Variants in PLAAT3 observed in about 807,000 individuals in gnomAD.
PLAAT3 encodes Ca-independent phospholipase A1/2.
PLAAT3 carries 21 observed loss-of-function variants against 16.7 expected under a neutral mutation model. That is an observed-to-expected ratio of 1.26 (90% CI 0.89 to 1.81). PLAAT3 has a LOEUF of 1.81. Among genes scored for constraint, PLAAT3 ranks in the 40% most tolerant of loss-of-function variants. The pLI is 0.00. For missense variants in PLAAT3, 219 were observed against 213.7 expected (o/e 1.02, Z -0.16); for synonymous variants, 76 against 81.7 (o/e 0.93, Z 0.38).
At chr11:63,601,789 A>C (rs1259948823) in intron 2 of PLAAT3, among the ~76,000 whole-genome samples, 1 of 152,196 alleles carries the variant, frequency 6.6e-6, no homozygotes, top group East Asian at 1.9e-4. Context: ...CAGGCTGGCC[A>C]ACATGGTGAA....
At chr11:63,592,138 A>G (rs1281056207) in intron 3 of PLAAT3, among the ~76,000 whole-genome samples, 1 of 152,044 alleles carries the variant, frequency 6.6e-6, no homozygotes, top group Non-Finnish European at 1.5e-5. Flanking sequence ...GCACAAATAC[A>G]TATCAACACA....
chr11:63,606,225 C>T (rs1938555150), intron 2 of PLAAT3, among the ~76,000 whole-genome samples: 4 of 152,282 alleles, frequency 2.6e-5, no homozygotes, highest in Non-Finnish European at 2.9e-5. Flanking sequence ...CCAATCTAGG[C>T]ACCTGGGCTC....
intron 4 of PLAAT3, among the ~76,000 whole-genome samples, chr11:63,588,977 CAAAAAA>C (rs58090843): frequency 1.3e-4 from 6 of 46,902 alleles, no homozygotes; most frequent in South Asian, 8.4e-4. Flanking sequence ...ATGAGCCAAG[CAAAAAA>C]AAAAAAAAAA....
chr11:63,582,511 A>C (rs1229473675), intron 4 of PLAAT3, among the ~76,000 whole-genome samples: 1 of 152,220 alleles, frequency 6.6e-6, no homozygotes, highest in Non-Finnish European at 1.5e-5. Context: ...AACAGGTACA[A>C]AGAAAACTCG....
chr11:63,580,980 C>A (rs761359347), intron 4 of PLAAT3, among the ~76,000 whole-genome samples: 1 of 152,238 alleles, frequency 6.6e-6, no homozygotes, highest in Non-Finnish European at 1.5e-5. Context: ...GTCTTTACTG[C>A]AATCTCTGAA....
chr11:63,585,600 C>T (rs916569268), intron 4 of PLAAT3, among the ~76,000 whole-genome samples: 1 of 152,204 alleles, frequency 6.6e-6, no homozygotes, highest in Admixed American at 6.5e-5. Context: ...TATCCTAGAC[C>T]AAGAAATGAA....
intron 4 of PLAAT3, among the ~76,000 whole-genome samples, chr11:63,589,009 AT>A (rs1938060537): frequency 6.6e-6 from 1 of 151,456 alleles, no homozygotes; most frequent in Non-Finnish European, 1.5e-5. Context: ...GAGGAGGATA[AT>A]TTAAAAAAAA....
intron 2 of PLAAT3, among the ~76,000 whole-genome samples, chr11:63,606,464 C>T (rs11604411): frequency 2.1e-5 from 2 of 94,186 alleles, no homozygotes; most frequent in African/African-American, 7.7e-5. Context: ...ACACACACAC[C>T]TTAGTAAATA....
intron 2 of PLAAT3, among the ~76,000 whole-genome samples, chr11:63,612,334 A>T (rs1199448549): frequency 1.9e-5 from 2 of 104,640 alleles, no homozygotes; most frequent in African/African-American, 6.4e-5. Flanking sequence ...AATGTCTCTA[A>T]AAAGGAGATA....
intron 2 of PLAAT3, among the ~76,000 whole-genome samples, chr11:63,610,525 T>C (rs2134434376): frequency 6.6e-6 from 1 of 152,296 alleles, no homozygotes; most frequent in Non-Finnish European, 1.5e-5. Flanking sequence ...CTCCAGCCCC[T>C]CTCAGCCCGT....
intron 2 of PLAAT3, among the ~76,000 whole-genome samples, chr11:63,605,738 G>C (rs1414269095): frequency 3.3e-5 from 5 of 151,966 alleles, no homozygotes; most frequent in Non-Finnish European, 7.4e-5. Flanking sequence ...ATTTTTAGTA[G>C]AGACAGCGTT....
At chr11:63,614,168 GCC>G in intron 1 of PLAAT3, 100 bp from the exon 2 acceptor site, 2 of 992,158 alleles carry the variant, frequency 2.0e-6, no homozygotes, top group Non-Finnish European at 3.1e-6. Context: ...TGAGAGGCGC[GCC>G]TCGGACCCCA....
At chr11:63,600,762 C>T (rs1938406097) in intron 2 of PLAAT3, among the ~76,000 whole-genome samples, 1 of 151,940 alleles carries the variant, frequency 6.6e-6, no homozygotes, top group Non-Finnish European at 1.5e-5. Context: ...GCCACCACGC[C>T]TGGCTAATTT....
chr11:63,576,762 T>A (rs1255930430), intron 4 of PLAAT3, among the ~76,000 whole-genome samples: 1 of 152,244 alleles, frequency 6.6e-6, no homozygotes, highest in Non-Finnish European at 1.5e-5. Context: ...ATCTCTTTCC[T>A]AACCTATGAA....
chr11:63,598,834 C>T, intron 2 of PLAAT3: 1 of 440,206 alleles, frequency 2.3e-6, no homozygotes, highest in East Asian at 6.9e-5. Context: ...CAGCCTGATG[C>T]TAAGGTGTGC....
intron 2 of PLAAT3, among the ~76,000 whole-genome samples, chr11:63,607,970 A>T (rs1342655020): frequency 6.6e-6 from 1 of 152,034 alleles, no homozygotes; most frequent in Non-Finnish European, 1.5e-5. Context: ...GCAGATCACG[A>T]GGTCAGGAGA....
intron 4 of PLAAT3, among the ~76,000 whole-genome samples, chr11:63,583,866 T>C (rs1439609698): frequency 6.6e-6 from 1 of 152,136 alleles, no homozygotes. Context: ...ACTACAAAGC[T>C]CTTCTGAGTT....
chr11:63,577,730 T>C (rs7929406), intron 4 of PLAAT3, among the ~76,000 whole-genome samples: 10,766 of 152,266 alleles, frequency 0.071, 539 homozygotes, highest in Middle Eastern at 0.14. Flanking sequence ...TTAGATCGCT[T>C]CTCGGCCTCT....
chr11:63,585,847 C>T (rs1466449838), intron 4 of PLAAT3, among the ~76,000 whole-genome samples: 3 of 152,082 alleles, frequency 2.0e-5, no homozygotes, highest in Non-Finnish European at 4.4e-5. Flanking sequence ...TTATTGTTTA[C>T]AAAAAGAATA....
Sources: allele counts gnomAD v4.1 joint callset (sites outside exome capture counted in the v4.1 genomes callset), GRCh38; gene constraint gnomAD v4.1.1; transcripts MANE v1.5; gene names NCBI Gene and HGNC (gene_info 2026-07-23, HGNC 2026-07-21).